The following EFCAB5 variants were observed in gnomAD, a reference collection of about 807,000 sequenced individuals.
EFCAB5 encodes the protein EF-hand calcium-binding domain-containing protein 5.
EFCAB5 carries 131 observed loss-of-function variants against 167.9 expected under a neutral mutation model. The observed-to-expected ratio is 0.78, with a 90% CI of 0.68 to 0.90. The LOEUF (loss-of-function observed/expected upper bound fraction) is 0.90. Ranked by LOEUF, EFCAB5 falls within the 40% of genes least tolerant of loss-of-function variation. EFCAB5 has a pLI of 0.00. For missense variants in EFCAB5, 1,663 were observed against 1,745.2 expected, an observed-to-expected ratio of 0.95 and a Z score of 0.84; for synonymous variants, 574 against 602.8, an observed-to-expected ratio of 0.95 and a Z score of 0.70.
chr17:30,015,133 C>G (rs913671059), intron 7 of EFCAB5, among the ~76,000 whole-genome samples: 1 of 152,226 alleles, frequency 6.6e-6, no homozygotes, highest in African/African-American at 2.4e-5. Context: ...GGCCCCCACA[C>G]TCTTCTGGCT....
upstream of EFCAB5, among the ~76,000 whole-genome samples, chr17:29,940,727 A>G (rs1011051248): frequency 2.6e-5 from 4 of 152,158 alleles, no homozygotes; most frequent in African/African-American, 9.7e-5. Flanking sequence ...TAGCTAGAAC[A>G]TGTGTTATGT....
intron 8 of EFCAB5, among the ~76,000 whole-genome samples, chr17:30,044,498 C>T (rs771020553): frequency 3.9e-5 from 6 of 151,986 alleles, no homozygotes; most frequent in Non-Finnish European, 7.4e-5. Flanking sequence ...ATCGCTTGAA[C>T]CCGGGAGGTG....
intron 20 of EFCAB5, 122 bp from the exon 21 acceptor site, chr17:30,091,749 A>G (rs937170857): frequency 3.1e-5 from 34 of 1,100,958 alleles, no homozygotes; most frequent in Middle Eastern, 2.1e-4. Flanking sequence ...ACCAAAGGCT[A>G]TGGTCTGCTT....
chr17:30,092,981 T>A, intron 22 of EFCAB5, 45 bp downstream of exon 22: 1 of 1,438,144 alleles, frequency 7.0e-7, no homozygotes, highest in Middle Eastern at 1.8e-4. Context: ...CCAACAGCAA[T>A]AAAACACAGT....
At chr17:30,018,623 G>A (rs141844606) in intron 7 of EFCAB5, among the ~76,000 whole-genome samples, 62 of 152,078 alleles carry the variant, frequency 4.1e-4, no homozygotes, top group Middle Eastern at 3.4e-3. Context: ...AATTCACTGT[G>A]ATAATCTAAA....
chr17:29,969,104 G>C lies in EFCAB5; in HGVS notation c.504G>C (p.Leu168=), dbSNP rs112588760. 5.4e-3 allele frequency: 8,712 copies of C among 1,613,764 alleles called. 33 individuals carry two copies. The highest frequency in any genetic ancestry group is 6.4e-3 in the Non-Finnish European group (7,584 of 1,179,790). ...GGTTTAATACTGACAGCATGACACT[G>C]AATAATACTGCATATTTGCTTGACA... ...KEWFNTDSMT[L]NNTAYLLDKL... is the part of the protein sequence containing the mutation. Residue 168 remains leucine, a synonymous_variant, in exon 4 of 23, where the codon CTG becomes CTC. Transcript: ENST00000394835.
intron 17 of EFCAB5, among the ~76,000 whole-genome samples, chr17:30,081,324 C>G (rs2070984564): frequency 6.6e-6 from 1 of 152,182 alleles, no homozygotes; most frequent in South Asian, 2.1e-4. Context: ...TTGTGTTTTA[C>G]TAACAGTGGT....
At chr17:29,973,712 G>A (rs1321855310) in intron 4 of EFCAB5, among the ~76,000 whole-genome samples, 1 of 151,214 alleles carries the variant, frequency 6.6e-6, no homozygotes, top group East Asian at 2.0e-4. Flanking sequence ...CCCTGACCTC[G>A]TGATCCACCC....
chr17:30,080,391 C>A, intron 16 of EFCAB5, 150 bp downstream of exon 16: 1 of 802,168 alleles, frequency 1.2e-6, no homozygotes, highest in East Asian at 2.8e-5. Context: ...GGCTTCCAGT[C>A]CTGGATGATT....
At chr17:30,079,104 A>G (rs1567763923) in intron 15 of EFCAB5, among the ~76,000 whole-genome samples, 1 of 152,214 alleles carries the variant, frequency 6.6e-6, no homozygotes, top group Non-Finnish European at 1.5e-5. Flanking sequence ...TTCTACATGT[A>G]TCATAGATTC....
upstream of EFCAB5, among the ~76,000 whole-genome samples, chr17:29,940,969 G>A (rs1392903875): frequency 6.6e-6 from 1 of 151,948 alleles, no homozygotes; most frequent in African/African-American, 2.4e-5. Flanking sequence ...GAACCCAGGA[G>A]GCGGAGGTTG....
At chr17:29,942,369 T>C (rs950267073) in intron 2 of EFCAB5, 67 bp downstream of exon 2, 6 of 1,381,664 alleles carry the variant, frequency 4.3e-6, no homozygotes, top group African/African-American at 1.5e-5. Flanking sequence ...AATTTTCTTA[T>C]GATAAAAGAA....
Position 30,053,500 on chromosome 17 carries a change from C to A in EFCAB5, c.1546C>A (p.Gln516Lys). The A allele has an allele frequency of 1.9e-6, 3 of 1,613,942 alleles. No homozygotes were observed. Among genetic ancestry groups the A allele is most frequent in the Middle Eastern group, 1.6e-4 (1 of 6,062 alleles). The change falls in exon 10 of 23, where the codon CAA becomes AAA. Residue 516 changes from glutamine to lysine, a missense_variant. By Grantham distance (53) the Gln-to-Lys change is moderately conservative. Coordinates refer to ENST00000394835, the MANE Select transcript of EFCAB5 (RefSeq NM_198529.4). Reference protein sequence around the residue: ...PEQQRGVTAEQGPQRISIEEQ... With the variant: ...PEQQRGVTAEKGPQRISIEEQ... ...ACAGCAGAGAGGAGTAACTGCAGAA[C>A]AAGGACCACAAAGAATTTCAATTGA...
chr17:30,069,141 A>G, intron 14 of EFCAB5: 1 of 1,542,148 alleles, frequency 6.5e-7, no homozygotes, highest in Non-Finnish European at 9.0e-7. Flanking sequence ...AGCTGGAACC[A>G]GAACCAAATG....
At position 29,993,294 on chromosome 17, in the gene EFCAB5, C is replaced by A; in HGVS notation, c.897C>A (p.Asp299Glu). The change falls in exon 5 of 23, where the codon GAC (aspartate) becomes GAA (glutamate). Residue 299 changes from aspartate to glutamate, a missense_variant. Physicochemically the swap from Asp to Glu is conservative, Grantham distance 45. Coordinates refer to ENST00000394835, the MANE Select transcript of EFCAB5 (RefSeq NM_198529.4). ...AGCAATTCGATGAATGGATTCTAGA[C>A]CCTAAAGGAATGATTCCTAAGTCAG... ...LQEQFDEWIL[D>E]PKGMIPKSVI... 6.2e-7 allele frequency: 1 copy of A among 1,613,024 alleles called. No individual in the cohort carries two copies. The highest frequency in any genetic ancestry group is 1.1e-5 in the South Asian group (1 of 90,854).
chr17:30,043,277 A>G (rs1374038291), intron 8 of EFCAB5, among the ~76,000 whole-genome samples: 3 of 152,246 alleles, frequency 2.0e-5, no homozygotes, highest in Non-Finnish European at 4.4e-5. Flanking sequence ...ACATCTATGA[A>G]CAACTTACAG....
chr17:29,954,229 A>T (rs1320307745), intron 3 of EFCAB5, among the ~76,000 whole-genome samples: 1 of 152,222 alleles, frequency 6.6e-6, no homozygotes, highest in Non-Finnish European at 1.5e-5. Context: ...CCACATTTTA[A>T]TCACCAAGAC....
intron 8 of EFCAB5, among the ~76,000 whole-genome samples, chr17:30,037,403 T>A (rs2069655964): frequency 6.6e-6 from 1 of 152,124 alleles, no homozygotes; most frequent in African/African-American, 2.4e-5. Flanking sequence ...CTCAATGAGA[T>A]GAAGTACATA....
chr17:30,006,605 A>G (rs759338248), intron 7 of EFCAB5, among the ~76,000 whole-genome samples: 1 of 152,160 alleles, frequency 6.6e-6, no homozygotes, highest in Non-Finnish European at 1.5e-5. Flanking sequence ...TTCCTTTCCA[A>G]TGGAAAATAA....
Sources: allele counts gnomAD v4.1 joint callset (sites outside exome capture counted in the v4.1 genomes callset), GRCh38; gene constraint gnomAD v4.1.1; transcripts MANE v1.5; gene names NCBI Gene and HGNC (gene_info 2026-07-23, HGNC 2026-07-21).